CNBD1: variants seen among roughly 807,000 people sequenced by gnomAD.
CNBD1 encodes the protein cyclic nucleotide-binding domain-containing protein 1.
In CNBD1, 71 loss-of-function variants were observed where a neutral mutation model predicts 54.4. The ratio of observed to expected loss-of-function variants is 1.30; its 90% CI spans 1.08 to 1.59. The LOEUF is 1.59. Ranked by LOEUF, CNBD1 falls within the 40% of genes most tolerant of loss-of-function variation. CNBD1 has a pLI of 0.00. For synonymous variants in CNBD1, 182 were observed against 170.7 expected (o/e 1.07, Z -0.51); for missense variants, 659 against 518.0 (o/e 1.27, Z -2.64).
At chr8:87,225,053 T>C (rs1814447480) in intron 5 of CNBD1, among the ~76,000 whole-genome samples, 2 of 151,836 alleles carry the variant, frequency 1.3e-5, no homozygotes, top group Non-Finnish European at 2.9e-5. Flanking sequence ...TTGTCTGTTG[T>C]TGGTGTATAG....
chr8:86,876,085 A>G (rs901380224), intron 1 of CNBD1, among the ~76,000 whole-genome samples: 4 of 152,124 alleles, frequency 2.6e-5, no homozygotes, highest in African/African-American at 9.6e-5. Context: ...AAGCTTTTCT[A>G]TGTTTCAATA....
At chr8:87,375,873 T>C (rs1341503513) in intron 10 of CNBD1, among the ~76,000 whole-genome samples, 1 of 151,948 alleles carries the variant, frequency 6.6e-6, no homozygotes, top group African/African-American at 2.4e-5. Flanking sequence ...AGATCCTATG[T>C]CTGTCTTTTC....
At chr8:87,042,838 A>C (rs527740684) in intron 4 of CNBD1, among the ~76,000 whole-genome samples, 76 of 152,190 alleles carry the variant, frequency 5.0e-4, no homozygotes, top group African/African-American at 1.8e-3. Flanking sequence ...TATTTTTATA[A>C]ATTCCTCTAA....
intron 8 of CNBD1, among the ~76,000 whole-genome samples, chr8:87,348,760 C>G (rs1411751667): frequency 6.6e-6 from 1 of 152,078 alleles, no homozygotes; most frequent in Non-Finnish European, 1.5e-5. Flanking sequence ...ATGCTAATAG[C>G]CAGTAGGGAA....
At chr8:87,313,610 C>G (rs1481818295) in intron 8 of CNBD1, among the ~76,000 whole-genome samples, 1 of 151,828 alleles carries the variant, frequency 6.6e-6, no homozygotes, top group African/African-American at 2.4e-5. Context: ...TCCTGCATAA[C>G]AAGGGAAGTC....
chr8:87,338,389 T>C (rs1363030599), intron 8 of CNBD1, among the ~76,000 whole-genome samples: 1 of 152,188 alleles, frequency 6.6e-6, no homozygotes, highest in Non-Finnish European at 1.5e-5. Flanking sequence ...TCTCATTTGT[T>C]GATAAATTAA....
At chr8:87,154,619 T>C (rs1462957580) in intron 4 of CNBD1, among the ~76,000 whole-genome samples, 1 of 151,994 alleles carries the variant, frequency 6.6e-6, no homozygotes, top group African/African-American at 2.4e-5. Flanking sequence ...CAGTGGGGAG[T>C]GCTGTTTAAC....
At chr8:86,899,311 A>C (rs1473601847) in intron 2 of CNBD1, among the ~76,000 whole-genome samples, 1 of 152,104 alleles carries the variant, frequency 6.6e-6, no homozygotes, top group Non-Finnish European at 1.5e-5. Context: ...CTAAATGAGT[A>C]GATTTTAGCT....
chr8:86,926,442 G>T (rs1809362436), intron 3 of CNBD1, among the ~76,000 whole-genome samples: 2 of 152,132 alleles, frequency 1.3e-5, no homozygotes, highest in African/African-American at 4.8e-5. Flanking sequence ...TTGATCCTGG[G>T]GGAAACAAAT....
At chr8:87,363,694 TG>T (rs1279194757) in intron 10 of CNBD1, among the ~76,000 whole-genome samples, 1 of 152,080 alleles carries the variant, frequency 6.6e-6, no homozygotes, top group African/African-American at 2.4e-5. Context: ...CACTTTTTGA[TG>T]GGGTTGTTTG....
intron 4 of CNBD1, among the ~76,000 whole-genome samples, chr8:87,093,847 G>A (rs899928186): frequency 6.6e-6 from 1 of 152,108 alleles, no homozygotes; most frequent in Non-Finnish European, 1.5e-5. Flanking sequence ...TATCAGAGGA[G>A]TCTCTACTTT....
chr8:87,028,221 AC>A (rs1809699200), intron 4 of CNBD1, among the ~76,000 whole-genome samples: 1 of 152,154 alleles, frequency 6.6e-6, no homozygotes, highest in Non-Finnish European at 1.5e-5. Context: ...GGACACACAC[AC>A]CTATCCAGAT....
intron 8 of CNBD1, among the ~76,000 whole-genome samples, chr8:87,341,850 G>A (rs1810070399): frequency 6.6e-6 from 1 of 152,176 alleles, no homozygotes; most frequent in Non-Finnish European, 1.5e-5. Flanking sequence ...ATGTGTTTCT[G>A]CTCTTTATAA....
intron 4 of CNBD1, among the ~76,000 whole-genome samples, chr8:87,175,070 C>G (rs997559685): frequency 6.6e-6 from 1 of 152,086 alleles, no homozygotes; most frequent in East Asian, 1.9e-4. Context: ...GATAACACAC[C>G]CTGGCTACTG....
chr8:87,383,808 A>T (rs1420955560), downstream of CNBD1, among the ~76,000 whole-genome samples: 1 of 152,138 alleles, frequency 6.6e-6, no homozygotes, highest in African/African-American at 2.4e-5. Context: ...GTTAGAAAAG[A>T]TAAATGACTT....
downstream of CNBD1, among the ~76,000 whole-genome samples, chr8:87,386,849 G>A (rs945610167): frequency 3.9e-5 from 6 of 152,204 alleles, no homozygotes; most frequent in Non-Finnish European, 1.5e-5. Flanking sequence ...ATTCAGGGCA[G>A]CTAGAGAGAA....
chr8:87,384,904 A>T (rs944515559), downstream of CNBD1, among the ~76,000 whole-genome samples: 1 of 152,202 alleles, frequency 6.6e-6, no homozygotes, highest in African/African-American at 2.4e-5. Flanking sequence ...ACATTGTAAA[A>T]GATGGAATCA....
chr8:86,995,310 A>G (rs188154159), intron 4 of CNBD1, among the ~76,000 whole-genome samples: 1 of 152,346 alleles, frequency 6.6e-6, no homozygotes, highest in East Asian at 1.9e-4. Flanking sequence ...TTAAACGTTA[A>G]GATAGTAAAT....
intron 4 of CNBD1, among the ~76,000 whole-genome samples, chr8:87,074,062 C>T: frequency 6.7e-6 from 1 of 148,934 alleles, no homozygotes; most frequent in Non-Finnish European, 1.5e-5. Flanking sequence ...GATCGCGCCA[C>T]TGCACTCCAG....
Sources: gnomAD v4.1 joint callset for allele counts (sites outside exome capture counted in the v4.1 genomes callset) on GRCh38, gnomAD v4.1.1 for gene constraint, MANE v1.5 for transcripts, NCBI Gene and HGNC (gene_info 2026-07-23, HGNC 2026-07-21) for gene names.